The following PAFAH1B2 variants were observed in gnomAD, a reference collection of about 807,000 sequenced individuals.
PAFAH1B2 encodes the protein platelet-activating factor acetylhydrolase IB subunit alpha2.
A neutral mutation model predicts 28.0 loss-of-function variants in PAFAH1B2; 8 were observed. The ratio of observed to expected loss-of-function variants is 0.29; its 90% CI spans 0.17 to 0.52. The LOEUF (loss-of-function observed/expected upper bound fraction) is 0.52. PAFAH1B2 is among the 20% of genes least tolerant of loss of function. The probability of loss-of-function intolerance (pLI) is 0.97; values close to 1 mark genes in which losing one functional copy is unlikely to be tolerated. For synonymous variants in PAFAH1B2, 104 were observed against 103.2 expected (o/e 1.01, Z -0.05); for missense variants, 190 against 282.6 (o/e 0.67, Z 2.35).
chr11:117,158,576 G>T (rs767635690), intron 2 of PAFAH1B2, among the ~76,000 whole-genome samples: 4 of 150,926 alleles, frequency 2.7e-5, no homozygotes, highest in Non-Finnish European at 4.4e-5. Flanking sequence ...AACTCTTGGA[G>T]CCATTTGAAA....
chr11:117,165,834 ATTT>A (rs538814703), intron 5 of PAFAH1B2, among the ~76,000 whole-genome samples: 2 of 139,930 alleles, frequency 1.4e-5, no homozygotes, highest in Non-Finnish European at 3.1e-5. Context: ...GTCATGTAGG[ATTT>A]TTTTTTTTTT....
At chr11:117,155,391 CA>C (rs1343633332) in intron 2 of PAFAH1B2, among the ~76,000 whole-genome samples, 1 of 152,052 alleles carries the variant, frequency 6.6e-6, no homozygotes, top group African/African-American at 2.4e-5. Context: ...ATAGATGAAG[CA>C]TAGATACCTT....
At chr11:117,144,676 G>A (rs1388273552) in intron 1 of PAFAH1B2, among the ~76,000 whole-genome samples, 2 of 152,086 alleles carry the variant, frequency 1.3e-5, no homozygotes, top group Non-Finnish European at 2.9e-5. Context: ...GAAAGCTGGC[G>A]TTTCTCCTCA....
intron 1 of PAFAH1B2, among the ~76,000 whole-genome samples, chr11:117,151,513 G>A (rs1417645588): frequency 1.3e-5 from 2 of 152,000 alleles, no homozygotes; most frequent in Non-Finnish European, 2.9e-5. Flanking sequence ...ACAGGCGTGA[G>A]CCACCACACC....
chr11:117,156,718 T>C (rs1956262522), intron 2 of PAFAH1B2, among the ~76,000 whole-genome samples: 1 of 152,188 alleles, frequency 6.6e-6, no homozygotes, highest in South Asian at 2.1e-4. Context: ...AGCTATTTTA[T>C]TGGTGTTGAA....
At position 117,168,177 on chromosome 11, in the gene PAFAH1B2, T is replaced by C. The variant is rs1956555444; in HGVS notation, c.*478T>C. The C allele has an allele frequency of 5.7e-6, 6 of 1,048,174 alleles. No homozygotes were observed. Among genetic ancestry groups the C allele is most frequent in the Non-Finnish European group, 6.9e-6 (6 of 865,646 alleles). The allele number at this position is 1,048,174 out of a possible 1,614,324, so 64.9% of individuals were successfully genotyped here. A position where few individuals can be genotyped will look rare whatever the true frequency, so the allele number is the denominator to read the frequency against. On this transcript the variant is annotated 3_prime_UTR_variant, in exon 6 of 6. Transcript: ENST00000527958. ...ATGTTGCTTAGATTCTTATGTATACTGAATATTTTATTAACATGTAGCATC... is the reference window on the plus strand; with the variant it reads ...ATGTTGCTTAGATTCTTATGTATACCGAATATTTTATTAACATGTAGCATC...
At position 117,169,615 on chromosome 11, in the gene PAFAH1B2, AC is replaced by A. The variant is rs1197480225; in HGVS notation, c.*1917del. 3 of 1,050,478 alleles carry A rather than the reference AC, an allele frequency of 2.9e-6. No homozygotes were observed. The highest frequency in any genetic ancestry group is 4.3e-4 in the Middle Eastern group (1 of 2,352). The allele number at this position is 1,050,478 out of a possible 1,614,324, so 65.1% of individuals were successfully genotyped here. On this transcript the variant is annotated 3_prime_UTR_variant, in exon 6 of 6. Coordinates refer to ENST00000527958, the MANE Select transcript of PAFAH1B2 (RefSeq NM_002572.4). ...GTTTTGTTCTTTTTAAAAAATACAT[AC>A]TTTTTTGAATGTATCATGTCTTCAT...
intron 2 of PAFAH1B2, among the ~76,000 whole-genome samples, chr11:117,157,115 C>T (rs1242315163): frequency 6.6e-6 from 1 of 151,538 alleles, no homozygotes; most frequent in African/African-American, 2.4e-5. Flanking sequence ...AGCACCTATT[C>T]ACTAAACTTT....
Position 117,152,486 on chromosome 11 carries a change from T to G in PAFAH1B2, c.39T>G (p.His13Gln). The change falls in exon 2 of 6, where the codon CAT (histidine) becomes CAG (glutamine). Residue 13 changes from histidine to glutamine, a missense_variant. Physicochemically the swap from His to Gln is conservative, Grantham distance 24. Coordinates refer to ENST00000527958, the MANE Select transcript of PAFAH1B2 (RefSeq NM_002572.4). ...QGDSNPAAIP[H>Q]AAEDIQGDDR... ...ACTCAAACCCAGCAGCTATTCCGCA[T>G]GCAGCAGAAGATATTCAAGGAGATG... is the stretch of plus-strand genomic sequence containing the variant. 1 of 1,613,984 alleles carries G rather than the reference T, an allele frequency of 6.2e-7. No homozygotes were observed. The highest frequency in any genetic ancestry group is 8.5e-7 in the Non-Finnish European group (1 of 1,179,826).
intron 2 of PAFAH1B2, among the ~76,000 whole-genome samples, chr11:117,157,675 C>T (rs1279126535): frequency 6.6e-6 from 1 of 152,054 alleles, no homozygotes; most frequent in Non-Finnish European, 1.5e-5. Flanking sequence ...TCCTGTAGTC[C>T]TAGCTAGTTG....
chr11:117,176,012 C>A, downstream of PAFAH1B2: 1 of 1,168,510 alleles, frequency 8.6e-7, no homozygotes, highest in Non-Finnish European at 1.2e-6. Context: ...GCATGGAGGG[C>A]TCATGATGAA....
intron 2 of PAFAH1B2, among the ~76,000 whole-genome samples, chr11:117,156,705 G>A (rs1016784435): frequency 6.6e-6 from 1 of 152,110 alleles, no homozygotes; most frequent in African/African-American, 2.4e-5. Context: ...CTCTACAAAT[G>A]CAAGCTATTT....
chr11:117,172,392 ATATATATATATATTTTTTTTTTTTT>A (rs1565278848), downstream of PAFAH1B2, among the ~76,000 whole-genome samples: 17 of 1,924 alleles, frequency 8.8e-3, 1 homozygote, highest in Non-Finnish European at 0.013. Context: ...ATATATATAT[ATATATATATATATTTTTTTTTTTTT>A]TTTTTTTTTT....
At chr11:117,160,774 G>C (rs1044172544) in intron 3 of PAFAH1B2, among the ~76,000 whole-genome samples, 1 of 149,710 alleles carries the variant, frequency 6.7e-6, no homozygotes, top group African/African-American at 2.4e-5. Flanking sequence ...AAATTTAAAA[G>C]ATAGCTTTTT....
exon 6 of PAFAH1B2, chr11:117,176,156 C>G: frequency 3.5e-6 from 2 of 574,316 alleles, no homozygotes; most frequent in South Asian, 4.4e-5. Flanking sequence ...GCGTCACTTT[C>G]CTCATCTGTA....
At chr11:117,175,664 G>C, downstream of PAFAH1B2, 2 of 1,307,516 alleles carry the variant, frequency 1.5e-6, no homozygotes, top group Non-Finnish European at 2.0e-6. Flanking sequence ...CTTCTGGAGT[G>C]CCCCGTTAAA....
At chr11:117,165,578 A>G (rs1956488194) in intron 5 of PAFAH1B2, among the ~76,000 whole-genome samples, 1 of 152,210 alleles carries the variant, frequency 6.6e-6, no homozygotes, top group African/African-American at 2.4e-5. Context: ...TAGTGTATGG[A>G]GACAGCAACA....
At chr11:117,161,565 G>A (rs1412712722) in intron 4 of PAFAH1B2, among the ~76,000 whole-genome samples, 1 of 149,618 alleles carries the variant, frequency 6.7e-6, no homozygotes, top group Non-Finnish European at 1.5e-5. Flanking sequence ...CTAGAGTGCA[G>A]TGGTGTGATC....
At chr11:117,153,076 AAAAC>A (rs1191292622) in intron 2 of PAFAH1B2, among the ~76,000 whole-genome samples, 3 of 152,192 alleles carry the variant, frequency 2.0e-5, no homozygotes, top group South Asian at 2.1e-4. Flanking sequence ...AAACAAACAA[AAAAC>A]AAACAAAAAA....
Sources: gnomAD v4.1 joint callset for allele counts (sites outside exome capture counted in the v4.1 genomes callset) on GRCh38, gnomAD v4.1.1 for gene constraint, MANE v1.5 for transcripts, NCBI Gene and HGNC (gene_info 2026-07-23, HGNC 2026-07-21) for gene names.